The following MED13L variants were observed in gnomAD, a reference collection of about 807,000 sequenced individuals.
MED13L encodes the protein mediator of RNA polymerase II transcription subunit 13-like.
In MED13L, 7 loss-of-function variants were observed where a neutral mutation model predicts 220.9. That is an observed-to-expected ratio of 0.03 (90% confidence interval 0.02 to 0.06). The LOEUF is 0.06. Ranked by LOEUF, MED13L falls within the 10% of genes least tolerant of loss-of-function variation. The probability of loss-of-function intolerance (pLI) is 1.00; values close to 1 mark genes in which losing one functional copy is unlikely to be tolerated. For synonymous variants in MED13L, 1,011 were observed against 1,015.2 expected, an observed-to-expected ratio of 1.00 and a Z score of 0.08; for missense variants, 1,965 against 2,760.5, an observed-to-expected ratio of 0.71 and a Z score of 6.46.
intron 2 of MED13L, among the ~76,000 whole-genome samples, chr12:116,123,086 A>AT (rs1488512638): frequency 1.3e-5 from 2 of 152,206 alleles, no homozygotes; most frequent in African/African-American, 4.8e-5. Flanking sequence ...CTTTAAAATG[A>AT]TTAACATGCT....
intron 2 of MED13L, among the ~76,000 whole-genome samples, chr12:116,192,097 CA>C (rs1447969709): frequency 1.3e-5 from 2 of 152,034 alleles, no homozygotes; most frequent in Non-Finnish European, 1.5e-5. Flanking sequence ...CCCACTAAAA[CA>C]ATTAAAAGAG....
chr12:116,105,036 T>C (rs1873430660), intron 3 of MED13L, among the ~76,000 whole-genome samples: 1 of 152,238 alleles, frequency 6.6e-6, no homozygotes, highest in Non-Finnish European at 1.5e-5. Flanking sequence ...AAGGATATGG[T>C]ATATTATGAA....
At chr12:116,059,314 C>T (rs1356761874) in intron 4 of MED13L, among the ~76,000 whole-genome samples, 3 of 152,160 alleles carry the variant, frequency 2.0e-5, no homozygotes, top group South Asian at 4.1e-4. Context: ...CCTGCCTAGG[C>T]CTCCCAAAGT....
chr12:116,111,035 AG>A (rs1421063102), intron 3 of MED13L, among the ~76,000 whole-genome samples: 2 of 152,308 alleles, frequency 1.3e-5, no homozygotes, highest in East Asian at 3.9e-4. Context: ...ACTACGGGTT[AG>A]ATAATGGCAT....
At chr12:116,107,793 T>C (rs182444400) in intron 3 of MED13L, among the ~76,000 whole-genome samples, 1 of 152,312 alleles carries the variant, frequency 6.6e-6, no homozygotes, top group East Asian at 1.9e-4. Flanking sequence ...GATGATCTGT[T>C]TTAATATCCT....
In MED13L at chr12:116,019,383, A is replaced by G. The variant is rs747135110; in HGVS notation, c.850T>C (p.Phe284Leu). The G allele has an allele frequency of 6.2e-7, 1 of 1,614,074 alleles. No individual in the cohort carries two copies. The highest frequency in any genetic ancestry group is 8.5e-7 in the Non-Finnish European group (1 of 1,179,946). Residue 284 changes from phenylalanine (F) to leucine (L), a missense_variant, in exon 7 of 31, where the codon TTT becomes CTT. Phe to Leu is a conservative substitution (Grantham distance 22). Around this residue, in one of 10 missense-constraint regions of MED13L, gnomAD observed 818 missense variants for 1,041.2 expected, o/e 0.79. Coordinates refer to ENST00000281928, the MANE Select transcript of MED13L (RefSeq NM_015335.5). Reference protein sequence around the residue: ...GGVRMVYPSAFVLISQNDIPV... With the variant: ...GGVRMVYPSALVLISQNDIPV... ...ATGTCATTCTGAGAGATCAAAACAA[A>G]TGCTGAAGGGTAAACCATCCGAACA... is the stretch of plus-strand genomic sequence containing the variant.
chr12:116,213,163 G>A (rs1248756940), intron 2 of MED13L, among the ~76,000 whole-genome samples: 3 of 151,990 alleles, frequency 2.0e-5, no homozygotes, highest in African/African-American at 7.2e-5. Context: ...AATAAACCAA[G>A]GTTTCCTTCT....
At chr12:116,044,178 C>G (rs774768535) in intron 4 of MED13L, among the ~76,000 whole-genome samples, 1 of 152,104 alleles carries the variant, frequency 6.6e-6, no homozygotes. Flanking sequence ...TAGTGCCCAC[C>G]CCATGGATTA....
chr12:116,070,257 T>C (rs1478465884), intron 4 of MED13L, among the ~76,000 whole-genome samples: 2 of 152,194 alleles, frequency 1.3e-5, no homozygotes, highest in African/African-American at 4.8e-5. Flanking sequence ...TTAATAGCTA[T>C]CTGACCTTTT....
At chr12:116,054,455 A>G (rs1470695878) in intron 4 of MED13L, among the ~76,000 whole-genome samples, 1 of 152,218 alleles carries the variant, frequency 6.6e-6, no homozygotes, top group Non-Finnish European at 1.5e-5. Flanking sequence ...CTCTACCTGT[A>G]TACCTTCTTT....
chr12:115,960,919 AAC>A lies in MED13L; in HGVS notation c.*345_*346del. On this transcript the variant is annotated 3_prime_UTR_variant, in exon 31 of 31. Transcript: ENST00000281928. ...CCCTCAATTGTATACAGAGGCTGAA[AAC>A]ACAGACTCTTGTGCAAAAGGACACT... The A allele has an allele frequency of 8.3e-6, 3 of 362,010 alleles. No individual in the cohort carries two copies. Among genetic ancestry groups the A allele is most frequent in the South Asian group, 6.8e-5 (3 of 43,996 alleles). 22.4% of individuals were successfully genotyped at this position (362,010 alleles called of 1,614,324 possible). A position where few individuals can be genotyped will look rare whatever the true frequency, so the allele number is the denominator to read the frequency against.
At chr12:116,273,261 A>C (rs1176820400) in intron 1 of MED13L, among the ~76,000 whole-genome samples, 1 of 152,076 alleles carries the variant, frequency 6.6e-6, no homozygotes, top group African/African-American at 2.4e-5. Flanking sequence ...CTGAGATGGC[A>C]CCTTTGCACT....
chr12:116,058,286 T>C (rs1014470601), intron 4 of MED13L, among the ~76,000 whole-genome samples: 1 of 152,174 alleles, frequency 6.6e-6, no homozygotes, highest in African/African-American at 2.4e-5. Context: ...CTCATGTGAT[T>C]TCCTACTTTA....
chr12:115,981,015 G>A, intron 22 of MED13L, 77 bp from the exon 23 acceptor site: 4 of 1,290,262 alleles, frequency 3.1e-6, no homozygotes, highest in Non-Finnish European at 4.3e-6. Context: ...CAAGCAAGCT[G>A]AAAAAGGAAA....
intron 3 of MED13L, among the ~76,000 whole-genome samples, chr12:116,098,227 C>G (rs999903978): frequency 2.0e-5 from 3 of 151,596 alleles, no homozygotes; most frequent in East Asian, 3.9e-4. Flanking sequence ...GCCTGGGCAA[C>G]AAGAGCGAAA....
intron 2 of MED13L, among the ~76,000 whole-genome samples, chr12:116,170,606 TTG>T (rs1435021862): frequency 1.3e-5 from 2 of 148,504 alleles, no homozygotes; most frequent in Non-Finnish European, 3.0e-5. Context: ...ACTTTTTTTT[TTG>T]TTTTTTTTTT....
intron 2 of MED13L, among the ~76,000 whole-genome samples, chr12:116,219,541 C>T (rs1409397381): frequency 1.3e-5 from 2 of 152,056 alleles, no homozygotes; most frequent in Non-Finnish European, 2.9e-5. Flanking sequence ...AAGATTAATT[C>T]ATTGTTTATG....
intron 11 of MED13L, chr12:116,007,197 T>C (rs1048287857): frequency 1.7e-5 from 10 of 601,584 alleles, no homozygotes; most frequent in Non-Finnish European, 3.0e-5. Flanking sequence ...TGAGGCTTCA[T>C]TTATGTTCGG....
At chr12:116,018,370 C>T (rs1879856653) in intron 7 of MED13L, among the ~76,000 whole-genome samples, 2 of 152,168 alleles carry the variant, frequency 1.3e-5, no homozygotes, top group Admixed American at 6.5e-5. Context: ...CAAATTTTGT[C>T]TTACTCTGGT....
Sources: allele counts gnomAD v4.1 joint callset (sites outside exome capture counted in the v4.1 genomes callset), GRCh38; gene constraint gnomAD v4.1.1; regional missense constraint gnomAD v4.1.1; transcripts MANE v1.5; gene names NCBI Gene and HGNC (gene_info 2026-07-23, HGNC 2026-07-21).